The following TRPM6 variants were observed in gnomAD, a reference collection of about 807,000 sequenced individuals.
TRPM6 encodes the protein channel kinase 2.
A neutral mutation model predicts 247.6 loss-of-function variants in TRPM6; 111 were observed. The observed-to-expected ratio is 0.45, with a 90% CI of 0.38 to 0.52. TRPM6 has a LOEUF of 0.52. TRPM6 is among the 20% of genes least tolerant of loss of function. The pLI is 0.00. For missense variants in TRPM6, 2,126 were observed against 2,421.5 expected (o/e 0.88, Z 2.56); for synonymous variants, 892 against 853.8 (o/e 1.04, Z -0.78).
rs1483614014 is a variant in TRPM6, at chr9:74,820,377, G to A, written c.1061C>T (p.Thr354Ile). Residue 354 changes from threonine (T) to isoleucine (I), a missense_variant, in exon 9 of 39, where the codon ACT (threonine) becomes ATT (isoleucine). Coordinates refer to ENST00000360774, the MANE Select transcript of TRPM6 (RefSeq NM_017662.5). ...KEEIICMIQN[T>I]FNFSLKQSKH... is the part of the protein sequence containing the mutation. Reference sequence around the variant, plus strand: ...GGACTGTTTAAGACTAAAGTTGAAAGTGTTCTGAATCATGCAGATGATCTC... The same window carrying A: ...GGACTGTTTAAGACTAAAGTTGAAAATGTTCTGAATCATGCAGATGATCTC... The A allele has an allele frequency of 6.2e-7, 1 of 1,614,106 alleles. No homozygotes were observed.
chr9:74,739,480 T>C, intron 34 of TRPM6, 31 bp from the exon 35 acceptor site: 1 of 1,595,476 alleles, frequency 6.3e-7, no homozygotes, highest in Non-Finnish European at 8.6e-7. Flanking sequence ...ATAAAAATAC[T>C]GATTTACTGT....
At position 74,728,266 on chromosome 9, in the gene TRPM6, A is replaced by T. The variant is rs527599725; in HGVS notation, c.5908T>A (p.Ser1970Thr). 6.2e-7 allele frequency: 1 copy of T among 1,614,162 alleles called. No homozygotes were observed. The highest frequency in any genetic ancestry group is 1.3e-5 in the African/African-American group (1 of 75,040). ...RNFIAKHHCN[S>T]CCRKLKLPDL... ...GGGAGTTTGAGCTTCCGGCAGCAGG[A>T]GTTACAATGATGTTTTGCAATGAAG... Residue 1970 changes from serine to threonine, a missense_variant, in exon 38 of 39, where the codon TCC (serine) becomes ACC (threonine). This residue lies in a region of TRPM6 where 327 missense variants were observed against 397.7 expected (regional missense o/e 0.82). Transcript: ENST00000360774.
intron 18 of TRPM6, among the ~76,000 whole-genome samples, chr9:74,796,302 G>A (rs17060496): frequency 0.24 from 36,240 of 152,066 alleles, 4,772 homozygotes; most frequent in African/African-American, 0.34. Context: ...TATTCTGATT[G>A]TAAGCCCCAC....
chr9:74,773,895 G>A (rs1000034150), intron 24 of TRPM6, among the ~76,000 whole-genome samples: 1 of 152,044 alleles, frequency 6.6e-6, no homozygotes, highest in African/African-American at 2.4e-5. Context: ...AAAAGATTCG[G>A]TATCTCCCAC....
intron 1 of TRPM6, among the ~76,000 whole-genome samples, chr9:74,886,939 T>TG (rs1831549679): frequency 6.6e-6 from 1 of 152,244 alleles, no homozygotes; most frequent in East Asian, 1.9e-4. Context: ...CTAAGCTGCC[T>TG]GGACTATTCC....
chr9:74,783,698 A>G (rs999058015), intron 21 of TRPM6, among the ~76,000 whole-genome samples: 15 of 152,236 alleles, frequency 9.9e-5, no homozygotes, highest in African/African-American at 3.6e-4. Context: ...TTATCTCGGC[A>G]TAGCCTATCT....
At chr9:74,796,394 T>C (rs376939512) in intron 18 of TRPM6, among the ~76,000 whole-genome samples, 12 of 152,324 alleles carry the variant, frequency 7.9e-5, no homozygotes, top group East Asian at 7.7e-4. Context: ...AAATGAGTCA[T>C]TGAATTAATA....
intron 23 of TRPM6, among the ~76,000 whole-genome samples, chr9:74,780,182 C>G (rs988073799): frequency 6.9e-6 from 1 of 145,308 alleles, no homozygotes; most frequent in African/African-American, 2.6e-5. Context: ...AAAAAAGTGA[C>G]AGGGGCCAGG....
intron 1 of TRPM6, among the ~76,000 whole-genome samples, chr9:74,886,020 C>T (rs34627823): frequency 0.024 from 3,632 of 152,256 alleles, 76 homozygotes; most frequent in Non-Finnish European, 0.033. Context: ...GATGTCCTAT[C>T]CAAAAAATTA....
chr9:74,726,455 A>T (rs1280790273), intron 38 of TRPM6, among the ~76,000 whole-genome samples: 1 of 152,202 alleles, frequency 6.6e-6, no homozygotes, highest in African/African-American at 2.4e-5. Flanking sequence ...GGTTGCAGTG[A>T]GCCGAGATTG....
chr9:74,830,328 G>C (rs746591005), intron 6 of TRPM6, among the ~76,000 whole-genome samples: 5 of 151,440 alleles, frequency 3.3e-5, no homozygotes, highest in Non-Finnish European at 7.4e-5. Context: ...GAACTCAATG[G>C]GCATCCACAT....
At chr9:74,818,759 A>G (rs1829037997) in intron 9 of TRPM6, among the ~76,000 whole-genome samples, 1 of 152,236 alleles carries the variant, frequency 6.6e-6, no homozygotes, top group Non-Finnish European at 1.5e-5. Context: ...GCTGCTAATT[A>G]GAAACATGGT....
At chr9:74,824,511 GAAAAAAAAAAAAAAAA>G (rs59044061) in intron 7 of TRPM6, among the ~76,000 whole-genome samples, 2,145 of 47,092 alleles carry the variant, frequency 0.046, 92 homozygotes, top group African/African-American at 0.084. Flanking sequence ...GGCTTTTTCT[GAAAAAAAAAAAAAAAA>G]AAAAAAAAAA....
Position 74,812,401 on chromosome 9 carries a change from A to G in TRPM6, c.1341T>C (p.Ala447=). ...CAAAATCCACCCGATCCATCACTAAAGCATCTGACATTGCTTGTTCCAGGG... is the reference window on the plus strand; with the variant it reads ...CAAAATCCACCCGATCCATCACTAAGGCATCTGACATTGCTTGTTCCAGGG... ...PDALEQAMSD[A]LVMDRVDFVK... is the part of the protein sequence containing the mutation. Residue 447 remains alanine, a synonymous_variant, in exon 12 of 39, where the codon GCT becomes GCC. Transcript: ENST00000360774. The G allele has an allele frequency of 1.9e-6, 3 of 1,614,108 alleles. No individual in the cohort carries two copies. The highest frequency in any genetic ancestry group is 1.7e-6 in the Non-Finnish European group (2 of 1,179,988).
intron 7 of TRPM6, among the ~76,000 whole-genome samples, chr9:74,823,663 G>A (rs926014045): frequency 8.5e-5 from 13 of 152,270 alleles, no homozygotes; most frequent in African/African-American, 2.9e-4. Flanking sequence ...AAAGCCAAAT[G>A]AGGCGGCAAA....
intron 27 of TRPM6, among the ~76,000 whole-genome samples, chr9:74,758,256 G>C (rs1158449153): frequency 2.0e-5 from 3 of 152,012 alleles, no homozygotes; most frequent in Non-Finnish European, 4.4e-5. Context: ...GAAGAGGAGG[G>C]AATACTTCCC....
chr9:74,756,715 G>A (rs1415015215), intron 27 of TRPM6, among the ~76,000 whole-genome samples: 1 of 149,500 alleles, frequency 6.7e-6, no homozygotes, highest in Non-Finnish European at 1.5e-5. Context: ...GCCAGGTGTG[G>A]TGGCACACCT....
chr9:74,854,013 C>G (rs547329397), intron 3 of TRPM6, among the ~76,000 whole-genome samples: 2 of 152,156 alleles, frequency 1.3e-5, no homozygotes, highest in South Asian at 4.1e-4. Flanking sequence ...TGGCATTTGA[C>G]AAGCATAGAA....
At chr9:74,843,036 T>C (rs1428895811) in intron 3 of TRPM6, among the ~76,000 whole-genome samples, 2 of 152,190 alleles carry the variant, frequency 1.3e-5, no homozygotes. Flanking sequence ...AAAACTGGAG[T>C]CAATCTTCTC....
Sources: allele counts gnomAD v4.1 joint callset (sites outside exome capture counted in the v4.1 genomes callset), GRCh38; gene constraint gnomAD v4.1.1; regional missense constraint gnomAD v4.1.1; transcripts MANE v1.5; gene names NCBI Gene and HGNC (gene_info 2026-07-23, HGNC 2026-07-21).